ZNF532: variants seen among roughly 807,000 people sequenced by gnomAD.
The protein encoded by ZNF532 is zinc finger protein 532.
Under a neutral mutation model 89.3 loss-of-function variants are expected in ZNF532, and 22 were observed. The observed-to-expected ratio is 0.25, with a 90% confidence interval of 0.18 to 0.35. ZNF532 has a LOEUF of 0.35. ZNF532 is among the 10% of genes least tolerant of loss of function. The probability of loss-of-function intolerance (pLI) is 1.00; values close to 1 mark genes in which losing one functional copy is unlikely to be tolerated. For missense variants in ZNF532, 1,132 were observed against 1,643.4 expected (o/e 0.69, Z 5.38); for synonymous variants, 606 against 649.6 (o/e 0.93, Z 1.02).
chr18:58,973,581 C>T (rs1024740515), intron 7 of ZNF532, among the ~76,000 whole-genome samples: 3 of 152,150 alleles, frequency 2.0e-5, no homozygotes, highest in Non-Finnish European at 4.4e-5. Context: ...AGGGGACAGC[C>T]GCTCTGGAAA....
intron 7 of ZNF532, among the ~76,000 whole-genome samples, chr18:58,967,054 G>A (rs2065992968): frequency 6.6e-6 from 1 of 152,162 alleles, no homozygotes; most frequent in African/African-American, 2.4e-5. Flanking sequence ...CGAAGGATGT[G>A]CAATGAAATT....
At chr18:58,921,168 A>C (rs1158157690) in intron 3 of ZNF532, among the ~76,000 whole-genome samples, 1 of 151,890 alleles carries the variant, frequency 6.6e-6, no homozygotes, top group Admixed American at 6.6e-5. Flanking sequence ...GGAGGATAAT[A>C]TATATATACT....
rs2068186390 is a variant in ZNF532 at position 58,984,272 on chromosome 18, A to G, written c.3712A>G (p.Asn1238Asp). ...GGAACCTCAGCCAGTGTCCAAGCAAAATGGGGCTGGGGAAGATAACCAACA... is the reference window on the plus strand; with the variant it reads ...GGAACCTCAGCCAGTGTCCAAGCAAGATGGGGCTGGGGAAGATAACCAACA... ...LKEPQPVSKQ[N>D]GAGEDNQQEN... The change falls in exon 10 of 10, where the codon AAT (asparagine) becomes GAT (aspartate). Residue 1238 changes from asparagine to aspartate, a missense_variant. Coordinates refer to ENST00000591808, the MANE Select transcript of ZNF532 (RefSeq NM_001375912.1). The G allele has an allele frequency of 6.2e-7, 1 of 1,611,960 alleles. No individual in the cohort carries two copies. The highest frequency in any genetic ancestry group is 8.5e-7 in the Non-Finnish European group (1 of 1,179,842).
intron 2 of ZNF532, among the ~76,000 whole-genome samples, chr18:58,896,026 T>C (rs2059225509): frequency 6.6e-6 from 1 of 151,948 alleles, no homozygotes; most frequent in African/African-American, 2.4e-5. Flanking sequence ...TAACTTTAAA[T>C]TTTTAAAATA....
chr18:58,967,920 A>C (rs112908434), intron 7 of ZNF532, among the ~76,000 whole-genome samples: 30 of 152,212 alleles, frequency 2.0e-4, no homozygotes, highest in Admixed American at 3.3e-4. Flanking sequence ...AAAATCATTT[A>C]CAGCACTTGA....
intron 2 of ZNF532, among the ~76,000 whole-genome samples, chr18:58,879,837 A>T (rs8091991): frequency 0.1 from 15,163 of 152,178 alleles, 1,609 homozygotes; most frequent in African/African-American, 0.26. Context: ...CCTTGAGCAC[A>T]GAGTTGTTAC....
intron 7 of ZNF532, among the ~76,000 whole-genome samples, chr18:58,966,856 G>T (rs1050591538): frequency 1.3e-5 from 2 of 150,670 alleles, no homozygotes; most frequent in South Asian, 4.2e-4. Context: ...AAACTCACCC[G>T]AGGTTGCTAT....
intron 2 of ZNF532, among the ~76,000 whole-genome samples, chr18:58,899,625 C>T (rs868512051): frequency 3.3e-5 from 5 of 152,088 alleles, no homozygotes; most frequent in African/African-American, 4.8e-5. Context: ...CGAGCCACCA[C>T]GCCCAGCTTA....
chr18:58,898,348 T>C (rs1422784856), intron 2 of ZNF532, among the ~76,000 whole-genome samples: 2 of 152,192 alleles, frequency 1.3e-5, no homozygotes, highest in Non-Finnish European at 2.9e-5. Flanking sequence ...CTACCTTTAA[T>C]GTATGTAGGG....
At chr18:58,951,647 T>TTTTTTTTTTTTG (rs71336310) in intron 6 of ZNF532, among the ~76,000 whole-genome samples, 6 of 27,730 alleles carry the variant, frequency 2.2e-4, no homozygotes, top group African/African-American at 3.4e-4. Flanking sequence ...CGCCCTGTTG[T>TTTTTTTTTTTTG]TTTTTTTTTT....
intron 7 of ZNF532, among the ~76,000 whole-genome samples, chr18:58,958,052 C>T (rs947967658): frequency 6.0e-4 from 80 of 134,080 alleles, no homozygotes; most frequent in African/African-American, 2.1e-3. Flanking sequence ...GGCAACAGAG[C>T]AAGACAATGT....
At chr18:58,901,542 A>G (rs2145660241) in intron 2 of ZNF532, among the ~76,000 whole-genome samples, 1 of 152,320 alleles carries the variant, frequency 6.6e-6, no homozygotes, top group Non-Finnish European at 1.5e-5. Context: ...TTTTACTATG[A>G]TGCATTTGCT....
At chr18:58,909,514 A>G (rs993146276) in intron 2 of ZNF532, among the ~76,000 whole-genome samples, 2 of 152,284 alleles carry the variant, frequency 1.3e-5, no homozygotes, top group Non-Finnish European at 1.5e-5. Context: ...GTAGATAACA[A>G]AAGAGAATCT....
chr18:58,980,437 C>T (rs902116676), intron 8 of ZNF532: 23 of 152,216 alleles, frequency 1.5e-4, no homozygotes, highest in African/African-American at 3.9e-4. Context: ...GGAGAGCCCT[C>T]GTCCTTTGGG....
intron 2 of ZNF532, among the ~76,000 whole-genome samples, chr18:58,873,851 C>T (rs1254224389): frequency 2.6e-5 from 4 of 152,192 alleles, no homozygotes; most frequent in Non-Finnish European, 4.4e-5. Context: ...CTTTGCCCAG[C>T]TCTCAATGAT....
chr18:58,981,782 A>G (rs1311030196), intron 9 of ZNF532, among the ~76,000 whole-genome samples, 165 bp downstream of exon 9: 1 of 152,084 alleles, frequency 6.6e-6, no homozygotes, highest in Non-Finnish European at 1.5e-5. Context: ...AGGCGGGTAA[A>G]TCACGAGTTC....
chr18:58,891,145 C>T (rs1053329872), intron 2 of ZNF532, among the ~76,000 whole-genome samples: 28 of 152,122 alleles, frequency 1.8e-4, no homozygotes, highest in African/African-American at 6.0e-4. Flanking sequence ...GGTCTCGATC[C>T]CTTGATCTTG....
chr18:58,971,002 G>A lies in ZNF532; in HGVS notation c.3151-8053G>A, dbSNP rs368711515. ...AAGCTCAGAAACTACGGTGCGACAC[G>A]TTTCTTTGCCATCTGCTCCGGATTT... is the stretch of plus-strand genomic sequence containing the variant. On this transcript the variant is annotated intron_variant, in intron 7 of 9. Coordinates refer to ENST00000591808, the MANE Select transcript of ZNF532 (RefSeq NM_001375912.1). 5.1e-4 allele frequency among the ~76,000 whole-genome samples: 77 copies of A among 152,318 alleles called. 1 individual carries two copies. In the South Asian group the frequency reaches 0.016, roughly 31 times the overall value.
At chr18:58,978,023 A>G (rs2067252565) in intron 7 of ZNF532, among the ~76,000 whole-genome samples, 1 of 152,226 alleles carries the variant, frequency 6.6e-6, no homozygotes, top group African/African-American at 2.4e-5. Flanking sequence ...GTTTAGTTCC[A>G]GACTGCTATG....
Sources: allele counts gnomAD v4.1 joint callset (sites outside exome capture counted in the v4.1 genomes callset), GRCh38; gene constraint gnomAD v4.1.1; transcripts MANE v1.5; gene names NCBI Gene and HGNC (gene_info 2026-07-23, HGNC 2026-07-21).